NMNAT3: variants seen among roughly 807,000 people sequenced by gnomAD.
NMNAT3 encodes the protein nicotinamide/nicotinic acid mononucleotide adenylyltransferase 3.
Under a neutral mutation model 24.8 loss-of-function variants are expected in NMNAT3, and 21 were observed. The ratio of observed to expected loss-of-function variants is 0.85; its 90% CI spans 0.60 to 1.22. The LOEUF (loss-of-function observed/expected upper bound fraction) is 1.22, where lower values mean the gene tolerates loss of function less well. NMNAT3 is among the 50% of genes most tolerant of loss of function. The pLI is 0.00. For synonymous variants in NMNAT3, 136 were observed against 155.2 expected (o/e 0.88, Z 0.92); for missense variants, 387 against 436.6 (o/e 0.89, Z 1.01).
intron 1 of NMNAT3, among the ~76,000 whole-genome samples, chr3:139,646,820 T>C (rs547712053): frequency 2.0e-4 from 30 of 152,364 alleles, no homozygotes; most frequent in African/African-American, 7.0e-4. Context: ...TAATAGGCTT[T>C]TTGCAGGGAG....
chr3:139,647,738 T>C (rs939318076), intron 1 of NMNAT3, among the ~76,000 whole-genome samples: 5 of 152,178 alleles, frequency 3.3e-5, no homozygotes, highest in Non-Finnish European at 5.9e-5. Flanking sequence ...CCCTTGAGCC[T>C]CTGAACTGAA....
chr3:139,635,455 A>T (rs940325697), intron 2 of NMNAT3: 1 of 152,236 alleles, frequency 6.6e-6, no homozygotes, highest in African/African-American at 2.4e-5. Flanking sequence ...GTCTAATATC[A>T]TTCTGGTAGA....
At chr3:139,581,108 C>CTGA (rs149665243) in intron 4 of NMNAT3, among the ~76,000 whole-genome samples, 1 of 152,222 alleles carries the variant, frequency 6.6e-6, no homozygotes, top group East Asian at 1.9e-4. Context: ...CACAATGAAA[C>CTGA]ATTCAGACAA....
chr3:139,670,966 C>T (rs764127820), intron 1 of NMNAT3, among the ~76,000 whole-genome samples: 2 of 152,118 alleles, frequency 1.3e-5, no homozygotes, highest in African/African-American at 2.4e-5. Context: ...TATCTCTGGA[C>T]TGGAAACATG....
chr3:139,676,791 T>G (rs1236909017), intron 1 of NMNAT3, among the ~76,000 whole-genome samples: 2 of 152,178 alleles, frequency 1.3e-5, no homozygotes, highest in Admixed American at 1.3e-4. Flanking sequence ...CAGAACCACT[T>G]ATTTGATAGA....
chr3:139,670,184 T>C (rs1442094718), intron 1 of NMNAT3, among the ~76,000 whole-genome samples: 1 of 152,234 alleles, frequency 6.6e-6, no homozygotes, highest in Non-Finnish European at 1.5e-5. Context: ...ACGCTGATAA[T>C]GTTCATGGTG....
intron 1 of NMNAT3, among the ~76,000 whole-genome samples, chr3:139,644,355 T>C (rs2056803809): frequency 6.6e-6 from 1 of 152,058 alleles, no homozygotes; most frequent in African/African-American, 2.4e-5. Context: ...CAATGAACAA[T>C]ACCAGCATAC....
intron 4 of NMNAT3, 44 bp from the exon 5 acceptor site, chr3:139,579,099 T>C (rs1368264594): frequency 6.5e-7 from 1 of 1,542,710 alleles, no homozygotes; most frequent in East Asian, 2.3e-5. Flanking sequence ...AGACAGATGC[T>C]CACCACCTGG....
intron 1 of NMNAT3, among the ~76,000 whole-genome samples, chr3:139,656,252 G>A (rs137934787): frequency 8.3e-4 from 126 of 152,308 alleles, no homozygotes; most frequent in African/African-American, 2.9e-3. Context: ...GCAGCTTAAT[G>A]TCCCATTTAA....
intron 1 of NMNAT3, among the ~76,000 whole-genome samples, chr3:139,660,180 C>G: frequency 6.6e-6 from 1 of 152,138 alleles, no homozygotes; most frequent in East Asian, 1.9e-4. Flanking sequence ...CAGGGTGGGT[C>G]GGTGCCAAGC....
intron 1 of NMNAT3, among the ~76,000 whole-genome samples, chr3:139,640,966 T>C (rs1256232273): frequency 6.6e-6 from 1 of 152,212 alleles, no homozygotes; most frequent in African/African-American, 2.4e-5. Context: ...TTTAATGGTA[T>C]GCATAATCGC....
intron 1 of NMNAT3, among the ~76,000 whole-genome samples, chr3:139,655,264 C>T (rs1007084048): frequency 1.3e-5 from 2 of 152,130 alleles, no homozygotes; most frequent in Non-Finnish European, 2.9e-5. Flanking sequence ...TTGATCCTGA[C>T]GGTGGTGGCT....
Position 139,578,972 on chromosome 3 carries a change from C to T in NMNAT3, c.475G>A (p.Val159Met). Residue 159 changes from valine to methionine, a missense_variant, in exon 5 of 7, where the codon GTG becomes ATG. Physicochemically the swap from Val to Met is conservative, Grantham distance 21. Coordinates refer to ENST00000643695, the MANE Select transcript of NMNAT3 (RefSeq NM_001320510.2). ...TGCAGGGCCAGCCGGGCCATGGCCA[C>T]TCGGTGATGAGAAGCTGCGAGGTCT... 2.5e-6 allele frequency: 4 copies of T among 1,614,222 alleles called. No homozygotes were observed. The Admixed American group carries it at 5.0e-5, about 20-fold the overall frequency.
intron 3 of NMNAT3, among the ~76,000 whole-genome samples, chr3:139,591,734 T>C (rs1006240800): frequency 3.3e-5 from 5 of 152,190 alleles, no homozygotes. Flanking sequence ...GGCCGGGTAC[T>C]CCAACAGACC....
At chr3:139,604,226 G>A (rs1024550233) in intron 3 of NMNAT3, among the ~76,000 whole-genome samples, 3 of 152,206 alleles carry the variant, frequency 2.0e-5, no homozygotes, top group African/African-American at 7.2e-5. Flanking sequence ...AAGCCACGTA[G>A]CAACTAGAGG....
intron 1 of NMNAT3, among the ~76,000 whole-genome samples, chr3:139,652,552 G>A (rs2057090335): frequency 6.6e-6 from 1 of 152,078 alleles, no homozygotes; most frequent in Non-Finnish European, 1.5e-5. Flanking sequence ...TGGCCCCTCA[G>A]GACCTGGGTA....
At chr3:139,620,793 C>G (rs2055733367) in intron 3 of NMNAT3, among the ~76,000 whole-genome samples, 1 of 152,094 alleles carries the variant, frequency 6.6e-6, no homozygotes, top group African/African-American at 2.4e-5. Flanking sequence ...TCTTGTCCCA[C>G]TAGAAGGTCT....
rs548002385 is a variant in NMNAT3 at position 139,596,823 on chromosome 3, A to G, written c.110-13615T>C. ...CTGCCTGCTGCCCTTGGTGCCCTTC[A>G]TGTATATGGTTCAGGTTAGTCCTAG... On this transcript the variant is annotated intron_variant, in intron 3 of 6. Coordinates refer to ENST00000643695, the MANE Select transcript of NMNAT3 (RefSeq NM_001320510.2). Among the ~76,000 whole-genome samples, 5 of 150,296 alleles carry G rather than the reference A, an allele frequency of 3.3e-5. No individual in the cohort carries two copies. The South Asian group carries it at 1.1e-3, about 32-fold the overall frequency.
intron 1 of NMNAT3, among the ~76,000 whole-genome samples, chr3:139,647,786 A>G (rs554234811): frequency 6.6e-6 from 1 of 152,068 alleles, no homozygotes; most frequent in East Asian, 1.9e-4. Context: ...GCTCAGGGAT[A>G]CTGATTTCGA....
Sources: allele counts gnomAD v4.1 joint callset (sites outside exome capture counted in the v4.1 genomes callset), GRCh38; gene constraint gnomAD v4.1.1; transcripts MANE v1.5; gene names NCBI Gene and HGNC (gene_info 2026-07-23, HGNC 2026-07-21).